The following SNTG1 variants were observed in gnomAD, a reference collection of about 807,000 sequenced individuals.
The protein encoded by SNTG1 is gamma-1-syntrophin.
Under a neutral mutation model 74.7 loss-of-function variants are expected in SNTG1, and 39 were observed. The observed-to-expected ratio is 0.52, with a 90% CI of 0.40 to 0.68. The LOEUF (loss-of-function observed/expected upper bound fraction) is 0.68. Ranked by LOEUF, SNTG1 falls within the 30% of genes least tolerant of loss-of-function variation. The pLI is 0.00. For synonymous variants in SNTG1, 254 were observed against 217.1 expected (o/e 1.17, Z -1.49); for missense variants, 685 against 609.5 (o/e 1.12, Z -1.30).
chr8:50,084,657 G>A (rs1384938930), intron 1 of SNTG1, among the ~76,000 whole-genome samples: 1 of 152,134 alleles, frequency 6.6e-6, no homozygotes, highest in Non-Finnish European at 1.5e-5. Flanking sequence ...TATGTTACAT[G>A]TGCTATGGCT....
chr8:50,255,495 A>C (rs1161048840), intron 2 of SNTG1, among the ~76,000 whole-genome samples: 1 of 152,158 alleles, frequency 6.6e-6, no homozygotes. Context: ...TAGAGACTAG[A>C]GGTCCAAAAT....
At chr8:50,160,523 T>C (rs571519925) in intron 1 of SNTG1, among the ~76,000 whole-genome samples, 2 of 152,280 alleles carry the variant, frequency 1.3e-5, no homozygotes, top group East Asian at 3.9e-4. Context: ...TTCTGTGCTT[T>C]CATTTTATAT....
At chr8:50,252,572 C>T (rs199920094) in intron 2 of SNTG1, among the ~76,000 whole-genome samples, 1 of 152,254 alleles carries the variant, frequency 6.6e-6, no homozygotes, top group East Asian at 1.9e-4. Flanking sequence ...AGCAGAATGC[C>T]AGCATCTGCT....
intron 12 of SNTG1, among the ~76,000 whole-genome samples, chr8:50,580,597 CATT>C (rs778402412): frequency 1.6e-4 from 24 of 152,104 alleles, no homozygotes; most frequent in Admixed American, 6.6e-5. Context: ...ATGCTGTTCT[CATT>C]ATAGTGAGTT....
chr8:50,352,250 A>T (rs1217421263), intron 2 of SNTG1, among the ~76,000 whole-genome samples: 3 of 152,208 alleles, frequency 2.0e-5, no homozygotes, highest in Admixed American at 6.5e-5. Flanking sequence ...AATTTTCAGA[A>T]CAGAGTTGAA....
intron 8 of SNTG1, among the ~76,000 whole-genome samples, chr8:50,472,733 A>C (rs2093663051): frequency 6.6e-6 from 1 of 152,138 alleles, no homozygotes; most frequent in African/African-American, 2.4e-5. Context: ...TGAAAAAGGC[A>C]ACCTATGGAA....
intron 17 of SNTG1, among the ~76,000 whole-genome samples, 159 bp from the exon 18 acceptor site, chr8:50,751,842 G>A (rs1218399726): frequency 6.6e-6 from 1 of 151,920 alleles, no homozygotes; most frequent in Non-Finnish European, 1.5e-5. Flanking sequence ...AATCACAAAT[G>A]TTAACATTTG....
chr8:50,156,098 G>T lies in SNTG1; in HGVS notation c.-102-16463G>T, dbSNP rs558733451. Among the ~76,000 whole-genome samples, 13 of 152,138 alleles carry T rather than the reference G, an allele frequency of 8.5e-5. No homozygotes were observed. In the East Asian group the frequency reaches 9.7e-4, roughly 11 times the overall value. ...GAGGAAATCTGAATAGCCTTATTTT[G>T]TTTAAATAAATGAAATTGAGACTTA... On this transcript the variant is annotated intron_variant, in intron 1 of 18. Transcript: ENST00000642720.
At chr8:50,268,465 G>A (rs983203891) in intron 2 of SNTG1, among the ~76,000 whole-genome samples, 9 of 152,004 alleles carry the variant, frequency 5.9e-5, no homozygotes, top group African/African-American at 2.2e-4. Context: ...TGGTCCTAGA[G>A]TAGCCAAGAC....
At chr8:50,172,998 GTCTCTTCA>G (rs2082865023) in intron 2 of SNTG1, among the ~76,000 whole-genome samples, 5 of 152,038 alleles carry the variant, frequency 3.3e-5, no homozygotes, top group South Asian at 2.1e-4. Context: ...AGGGATCTGT[GTCTCTTCA>G]TGAAGATGGT....
intron 1 of SNTG1, among the ~76,000 whole-genome samples, chr8:50,152,907 A>G (rs1395384051): frequency 6.6e-6 from 1 of 152,072 alleles, no homozygotes; most frequent in African/African-American, 2.4e-5. Flanking sequence ...CTCGAGGAGT[A>G]TCTTTGTGGT....
At chr8:50,669,516 C>A (rs1217397081) in intron 15 of SNTG1, among the ~76,000 whole-genome samples, 3 of 152,060 alleles carry the variant, frequency 2.0e-5, no homozygotes, top group African/African-American at 7.2e-5. Flanking sequence ...CTGAATAGAC[C>A]AATAACAGGA....
At chr8:50,080,323 T>C (rs1183604683) in intron 1 of SNTG1, among the ~76,000 whole-genome samples, 1 of 152,156 alleles carries the variant, frequency 6.6e-6, no homozygotes, top group Non-Finnish European at 1.5e-5. Context: ...CCATATGCTA[T>C]CCTTTTAATT....
At chr8:49,964,703 C>T (rs1005189621) in intron 1 of SNTG1, among the ~76,000 whole-genome samples, 1 of 152,086 alleles carries the variant, frequency 6.6e-6, no homozygotes, top group Non-Finnish European at 1.5e-5. Context: ...CAAAGTTTCC[C>T]CTTTTCTCAT....
Position 50,009,058 on chromosome 8 carries a change from T to TTTA in SNTG1, c.-103+96830_-103+96832dup, listed in dbSNP as rs557840136. On this transcript the variant is annotated intron_variant, in intron 1 of 18. Coordinates refer to ENST00000642720, the MANE Select transcript of SNTG1 (RefSeq NM_018967.5). ...TTATTTATGAGAAGTTAATTTATTT[T>TTTA]TTATTGAATTTTGGATTCCCATGCT... 3.9e-3 allele frequency among the ~76,000 whole-genome samples: 595 copies of TTTA among 152,260 alleles called. 8 individuals carry two copies. Among genetic ancestry groups the TTTA allele is most frequent in the African/African-American group, 0.012 (497 of 41,544 alleles).
intron 2 of SNTG1, among the ~76,000 whole-genome samples, chr8:50,336,178 G>A (rs1366140094): frequency 1.3e-5 from 2 of 152,174 alleles, no homozygotes; most frequent in African/African-American, 2.4e-5. Context: ...ACTGGGAAAT[G>A]TAATTTCTCT....
chr8:50,214,297 T>G, intron 2 of SNTG1, among the ~76,000 whole-genome samples: 1 of 147,944 alleles, frequency 6.8e-6, no homozygotes, highest in African/African-American at 2.5e-5. Context: ...TTAGGAGATA[T>G]ACCTAATGCT....
chr8:49,996,773 G>C (rs541580301), intron 1 of SNTG1, among the ~76,000 whole-genome samples: 1 of 151,900 alleles, frequency 6.6e-6, no homozygotes, highest in East Asian at 1.9e-4. Context: ...TTAACATCCC[G>C]GACCTTCATA....
intron 1 of SNTG1, among the ~76,000 whole-genome samples, chr8:49,986,524 T>C (rs1393171767): frequency 6.6e-6 from 1 of 152,154 alleles, no homozygotes; most frequent in Non-Finnish European, 1.5e-5. Context: ...ATACTCAGTA[T>C]AGCCCAGATT....
Sources: allele counts gnomAD v4.1 joint callset (sites outside exome capture counted in the v4.1 genomes callset), GRCh38; gene constraint gnomAD v4.1.1; transcripts MANE v1.5; gene names NCBI Gene and HGNC (gene_info 2026-07-23, HGNC 2026-07-21).